Variants in OTUD7A observed in about 807,000 individuals in gnomAD.
OTUD7A encodes the protein OTU deubiquitinase 7A, also known as OTU domain-containing protein 7A.
In OTUD7A, 12 loss-of-function variants were observed where a neutral mutation model predicts 65.7. The observed-to-expected ratio is 0.18, with a 90% CI of 0.12 to 0.30. The LOEUF is 0.30. Among genes scored for constraint, OTUD7A ranks in the 10% least tolerant of loss-of-function variants. The pLI is 1.00. For missense variants in OTUD7A, 1,148 were observed against 1,304.8 expected, an observed-to-expected ratio of 0.88 and a Z score of 1.85; for synonymous variants, 641 against 586.3, an observed-to-expected ratio of 1.09 and a Z score of -1.35.
intron 9 of OTUD7A, among the ~76,000 whole-genome samples, chr15:31,503,155 TGGAG>T (rs2041498165): frequency 6.6e-6 from 1 of 152,166 alleles, no homozygotes; most frequent in African/African-American, 2.4e-5. Context: ...AAGGGCTGAA[TGGAG>T]GAACATTCTA....
intron 3 of OTUD7A, among the ~76,000 whole-genome samples, chr15:31,604,648 G>C (rs1450421061): frequency 6.6e-6 from 1 of 152,166 alleles, no homozygotes; most frequent in Non-Finnish European, 1.5e-5. Flanking sequence ...AAAAATACTT[G>C]CAAATAGCTG....
intron 3 of OTUD7A, 130 bp downstream of exon 3, chr15:31,654,966 G>A (rs551594172): frequency 3.1e-5 from 33 of 1,069,638 alleles, no homozygotes; most frequent in South Asian, 2.7e-4. Context: ...ACTTAATATC[G>A]GTAAGATGTA....
intron 4 of OTUD7A, among the ~76,000 whole-genome samples, chr15:31,564,237 T>C (rs1172884236): frequency 2.6e-5 from 4 of 151,954 alleles, no homozygotes; most frequent in South Asian, 2.1e-4. Context: ...GGAGGAAGGG[T>C]TGGAAGGTGT....
chr15:31,634,179 A>C (rs1306000843), intron 3 of OTUD7A, among the ~76,000 whole-genome samples: 4 of 152,206 alleles, frequency 2.6e-5, no homozygotes, highest in African/African-American at 9.6e-5. Flanking sequence ...GTGAAGGCAC[A>C]TCATAAACAT....
intron 1 of OTUD7A, among the ~76,000 whole-genome samples, chr15:31,866,681 C>A (rs575086137): frequency 6.0e-4 from 91 of 152,154 alleles, no homozygotes; most frequent in Non-Finnish European, 1.1e-3. Flanking sequence ...CAAAAAAGAA[C>A]CAGCATATCT....
chr15:31,732,165 T>C (rs1167357412), intron 1 of OTUD7A, among the ~76,000 whole-genome samples: 2 of 152,328 alleles, frequency 1.3e-5, no homozygotes, highest in South Asian at 2.1e-4. Flanking sequence ...TACAACTATT[T>C]TTCTTTACTT....
At chr15:31,768,081 C>T in intron 1 of OTUD7A, 2 of 1,598,118 alleles carry the variant, frequency 1.3e-6, no homozygotes, top group Non-Finnish European at 1.7e-6. Flanking sequence ...AAACAATTGC[C>T]ATATTTTTTA....
intron 1 of OTUD7A, among the ~76,000 whole-genome samples, chr15:31,848,020 T>A (rs1467740520): frequency 6.6e-6 from 1 of 152,190 alleles, no homozygotes; most frequent in Non-Finnish European, 1.5e-5. Context: ...ATGTGCAGAT[T>A]ACAGTTCCCA....
intron 1 of OTUD7A, among the ~76,000 whole-genome samples, chr15:31,700,990 A>G (rs1011048992): frequency 2.0e-5 from 3 of 152,240 alleles, no homozygotes; most frequent in Non-Finnish European, 4.4e-5. Context: ...TGTAGTGCAC[A>G]GCCTCACCTT....
rs764113804 is a variant in OTUD7A, at chr15:31,558,896, C to T, written c.550+73G>A. ...TGAGAACATGTGCCCTTCTCTTGCTCATAGAGTAGGTTAGGCCAGCTCACC... is the reference window on the plus strand; with the variant it reads ...TGAGAACATGTGCCCTTCTCTTGCTTATAGAGTAGGTTAGGCCAGCTCACC... On this transcript the variant is annotated intron_variant, in intron 5 of 12. Transcript: ENST00000307050. The T allele has an allele frequency of 3.3e-6, 5 of 1,499,978 alleles. No individual in the cohort carries two copies. In the South Asian group the frequency reaches 5.8e-5, roughly 17 times the overall value. 92.9% of individuals were successfully genotyped at this position (1,499,978 alleles called of 1,614,324 possible).
chr15:31,632,434 A>T (rs1053157600), intron 3 of OTUD7A, among the ~76,000 whole-genome samples: 4 of 152,246 alleles, frequency 2.6e-5, no homozygotes, highest in Non-Finnish European at 5.9e-5. Context: ...GCTGTAGAAC[A>T]GCAGATCTTG....
intron 1 of OTUD7A, among the ~76,000 whole-genome samples, chr15:31,823,775 C>G (rs1896740475): frequency 6.6e-6 from 1 of 152,200 alleles, no homozygotes; most frequent in African/African-American, 2.4e-5. Context: ...GAATATCAAA[C>G]TAGAACTGCC....
intron 3 of OTUD7A, chr15:31,649,881 C>T (rs1010936588): frequency 3.1e-5 from 9 of 287,960 alleles, no homozygotes; most frequent in South Asian, 1.9e-4. Context: ...TGGAGGTGAG[C>T]GAGACACTTC....
chr15:31,797,262 C>T (rs536945172), intron 1 of OTUD7A, among the ~76,000 whole-genome samples: 12 of 152,276 alleles, frequency 7.9e-5, no homozygotes, highest in African/African-American at 2.4e-4. Flanking sequence ...GGTGTTTTCT[C>T]GCTTAGGATG....
chr15:31,637,865 T>C (rs1891389461), intron 3 of OTUD7A, among the ~76,000 whole-genome samples: 1 of 152,130 alleles, frequency 6.6e-6, no homozygotes, highest in Non-Finnish European at 1.5e-5. Context: ...CAATCTCAAG[T>C]TGGGGAGTTG....
intron 8 of OTUD7A, among the ~76,000 whole-genome samples, chr15:31,507,479 G>A (rs920191052): frequency 6.6e-6 from 1 of 152,128 alleles, no homozygotes; most frequent in African/African-American, 2.4e-5. Flanking sequence ...TGGCTTTGTG[G>A]TCTCACTGAC....
In OTUD7A at chr15:31,771,823, GCCTTAGAGCCTGCCAAACT is replaced by G. The variant is rs1375000110; in HGVS notation, c.-100+98665_-100+98683del. On this transcript the variant is annotated intron_variant, in intron 1 of 12. Transcript: ENST00000307050. ...ATGGGACACTTCAGCCTTCTGTTTG[GCCTTAGAGCCTGCCAAACT>G]CCTTCCTGACTTGTAGTGCTCATCC... Among the ~76,000 whole-genome samples, 5 of 152,182 alleles carry G rather than the reference GCCTTAGAGCCTGCCAAACT, an allele frequency of 3.3e-5. No individual in the cohort carries two copies. In the East Asian group the frequency reaches 9.7e-4, roughly 29 times the overall value.
chr15:31,750,089 C>T, intron 1 of OTUD7A, among the ~76,000 whole-genome samples: 1 of 152,126 alleles, frequency 6.6e-6, no homozygotes, highest in Non-Finnish European at 1.5e-5. Context: ...GCATTCCATG[C>T]TCATGAATTG....
intron 1 of OTUD7A, among the ~76,000 whole-genome samples, chr15:31,699,615 G>A (rs1415394423): frequency 6.6e-6 from 1 of 152,158 alleles, no homozygotes; most frequent in African/African-American, 2.4e-5. Flanking sequence ...CCTTGCATGG[G>A]TATGTGGTTC....
Sources: gnomAD v4.1 joint callset for allele counts (sites outside exome capture counted in the v4.1 genomes callset) on GRCh38, gnomAD v4.1.1 for gene constraint, MANE v1.5 for transcripts, NCBI Gene and HGNC (gene_info 2026-07-23, HGNC 2026-07-21) for gene names.